The following DPP6 variants were observed in gnomAD, a reference collection of about 807,000 sequenced individuals.
DPP6 encodes the protein A-type potassium channel modulatory protein DPP6.
A neutral mutation model predicts 122.6 loss-of-function variants in DPP6; 69 were observed. That is an observed-to-expected ratio of 0.56 (90% CI 0.46 to 0.69). The LOEUF is 0.69. Ranked by LOEUF, DPP6 falls within the 30% of genes least tolerant of loss-of-function variation. The pLI, the probability that DPP6 is intolerant of heterozygous loss-of-function variation, is 0.00. For missense variants in DPP6, 928 were observed against 1,116.9 expected (o/e 0.83, Z 2.41); for synonymous variants, 418 against 433.1 (o/e 0.97, Z 0.43).
the DPP6 span, among the ~76,000 whole-genome samples, chr7:153,821,022 A>T: frequency 1.3e-5 from 2 of 151,632 alleles, no homozygotes; most frequent in Non-Finnish European, 2.9e-5. Flanking sequence ...AATAGGGGTC[A>T]TGTTGGATTT....
At chr7:153,750,947 G>A in the DPP6 span, among the ~76,000 whole-genome samples, 1 of 152,140 alleles carries the variant, frequency 6.6e-6, no homozygotes, top group Non-Finnish European at 1.5e-5. Flanking sequence ...CAGCTTTGGA[G>A]TTTGTCTTGT....
intron 1 of DPP6, chr7:154,057,804 C>G (rs1442477068): frequency 1.3e-5 from 2 of 150,660 alleles, no homozygotes; most frequent in Non-Finnish European, 2.9e-5. Flanking sequence ...AAAGCCTTTT[C>G]CATTGTATGC....
chr7:153,930,788 G>A (rs1801135815), intron 1 of DPP6, among the ~76,000 whole-genome samples: 1 of 152,120 alleles, frequency 6.6e-6, no homozygotes, highest in South Asian at 2.1e-4. Flanking sequence ...TCAGGACCTG[G>A]GATATGTTGT....
chr7:154,711,387 TAATA>T (rs947751458), intron 7 of DPP6, among the ~76,000 whole-genome samples: 3 of 152,148 alleles, frequency 2.0e-5, no homozygotes, highest in Admixed American at 1.3e-4. Context: ...TAAGAACAAA[TAATA>T]AATAAATAAA....
the DPP6 span, among the ~76,000 whole-genome samples, chr7:153,836,266 T>A: frequency 6.6e-6 from 1 of 152,140 alleles, no homozygotes; most frequent in Non-Finnish European, 1.5e-5. Flanking sequence ...TTTCACAATT[T>A]ATCGCGTTTG....
rs186655303 is a variant in DPP6 at position 154,112,901 on chromosome 7, C to T, written c.243+59838C>T. On this transcript the variant is annotated intron_variant, in intron 1 of 25. Transcript: ENST00000377770. Reference sequence around the variant, plus strand: ...TGGAACGCCTCCCATTTCCCCTTCTCCCAAGCCCCTGGCAAGCACCTCTCT... The same window carrying T: ...TGGAACGCCTCCCATTTCCCCTTCTTCCAAGCCCCTGGCAAGCACCTCTCT... Among the ~76,000 whole-genome samples the T allele has an allele frequency of 3.9e-4, 59 of 152,308 alleles. 2 individuals are homozygous for T. In the East Asian group the frequency reaches 0.011, roughly 29 times the overall value.
chr7:154,031,488 CTA>C (rs898446275), intron 1 of DPP6, among the ~76,000 whole-genome samples: 1 of 151,868 alleles, frequency 6.6e-6, no homozygotes, highest in African/African-American at 2.4e-5. Flanking sequence ...TTACCTGTGA[CTA>C]AAAAAAATCA....
At chr7:154,440,585 A>G (rs1177509101) in intron 1 of DPP6, among the ~76,000 whole-genome samples, 1 of 152,188 alleles carries the variant, frequency 6.6e-6, no homozygotes, top group Admixed American at 6.5e-5. Context: ...AAAGCTATCA[A>G]TTACCTAACC....
chr7:154,851,683 AC>A (rs1002369343), intron 16 of DPP6, among the ~76,000 whole-genome samples: 2 of 152,148 alleles, frequency 1.3e-5, no homozygotes, highest in African/African-American at 4.8e-5. Flanking sequence ...AATTTAAGAT[AC>A]TCAGTTACAT....
intron 1 of DPP6, among the ~76,000 whole-genome samples, chr7:154,055,090 C>T (rs538119091): frequency 1.5e-4 from 19 of 128,964 alleles, no homozygotes; most frequent in South Asian, 5.5e-4. Context: ...TCCTGACATG[C>T]TTTTTTTTTT....
chr7:154,575,386 GT>G (rs1367137093), intron 5 of DPP6, among the ~76,000 whole-genome samples: 4 of 88,580 alleles, frequency 4.5e-5, no homozygotes, highest in Non-Finnish European at 9.0e-5. Context: ...TGTGTGTGAT[GT>G]GTGTGTAGTG....
At chr7:154,809,388 G>A (rs953609745) in intron 16 of DPP6, among the ~76,000 whole-genome samples, 2 of 152,136 alleles carry the variant, frequency 1.3e-5, no homozygotes, top group Non-Finnish European at 2.9e-5. Flanking sequence ...GCACCATTGT[G>A]GATCCCACCA....
At chr7:154,329,344 G>T (rs1808717022) in intron 1 of DPP6, among the ~76,000 whole-genome samples, 1 of 152,244 alleles carries the variant, frequency 6.6e-6, no homozygotes, top group Admixed American at 6.5e-5. Flanking sequence ...TGTGGCTGGT[G>T]ATCAGGGACG....
At position 154,295,850 on chromosome 7, in the gene DPP6, TTTTTC is replaced by T. The variant is rs145223053; in HGVS notation, c.244-150361_244-150357del. Among the ~76,000 whole-genome samples the T allele has an allele frequency of 7.2e-3, 1,099 of 152,276 alleles. 12 individuals are homozygous for T. The highest frequency in any genetic ancestry group is 0.025 in the African/African-American group (1,030 of 41,562). Reference sequence around the variant, plus strand: ...TTTACATTTATATTTAGATTCCTCTTTTTTCTTAAGTACTGTGTCTATGTTCCCTC... The same window carrying T: ...TTTACATTTATATTTAGATTCCTCTTTTAAGTACTGTGTCTATGTTCCCTC... On this transcript the variant is annotated intron_variant, in intron 1 of 25. Coordinates refer to ENST00000377770, the MANE Select transcript of DPP6 (RefSeq NM_130797.4).
chr7:154,480,184 G>T (rs543983144), intron 3 of DPP6, among the ~76,000 whole-genome samples: 1 of 152,222 alleles, frequency 6.6e-6, no homozygotes, highest in East Asian at 1.9e-4. Context: ...ACGAAATGTG[G>T]TCTTCCTTCT....
chr7:153,956,975 T>C (rs1802490748), intron 1 of DPP6, among the ~76,000 whole-genome samples: 1 of 152,190 alleles, frequency 6.6e-6, no homozygotes, highest in African/African-American at 2.4e-5. Flanking sequence ...AACCCAGATA[T>C]GTTCTTAGTT....
At chr7:154,060,418 G>A (rs1716906735) in intron 1 of DPP6, among the ~76,000 whole-genome samples, 1 of 135,188 alleles carries the variant, frequency 7.4e-6, no homozygotes, top group Non-Finnish European at 1.6e-5. Flanking sequence ...GAGGGGGGAG[G>A]CACCCCCCGC....
chr7:154,340,043 A>G (rs1034643784), intron 1 of DPP6, among the ~76,000 whole-genome samples: 5 of 152,188 alleles, frequency 3.3e-5, no homozygotes, highest in African/African-American at 1.2e-4. Flanking sequence ...ACTGCACTCC[A>G]GCCTGGGTGA....
chr7:154,788,525 T>C (rs895655997), intron 10 of DPP6, among the ~76,000 whole-genome samples: 1 of 152,038 alleles, frequency 6.6e-6, no homozygotes. Flanking sequence ...TATTAAACAT[T>C]AAGTATTAGC....
Sources: gnomAD v4.1 joint callset for allele counts (sites outside exome capture counted in the v4.1 genomes callset) on GRCh38, gnomAD v4.1.1 for gene constraint, MANE v1.5 for transcripts, NCBI Gene and HGNC (gene_info 2026-07-23, HGNC 2026-07-21) for gene names.